Variants in OPCML observed in about 807,000 individuals in gnomAD.
The protein encoded by OPCML is opioid-binding protein/cell adhesion molecule.
OPCML carries 13 observed loss-of-function variants against 37.8 expected under a neutral mutation model. The ratio of observed to expected loss-of-function variants is 0.34; its 90% CI spans 0.22 to 0.55. OPCML has a LOEUF of 0.55. Among genes scored for constraint, OPCML ranks in the 20% least tolerant of loss-of-function variants. OPCML has a pLI of 0.91. For missense variants in OPCML, 341 were observed against 435.6 expected (o/e 0.78, Z 1.93); for synonymous variants, 176 against 168.8 (o/e 1.04, Z -0.33).
At chr11:132,444,572 C>T (rs909535348) in intron 4 of OPCML, among the ~76,000 whole-genome samples, 4 of 152,188 alleles carry the variant, frequency 2.6e-5, no homozygotes, top group Non-Finnish European at 5.9e-5. Context: ...TAACTCATTA[C>T]AGCAGCTAAC....
At chr11:133,233,253 T>A (rs1405559323) in intron 1 of OPCML, among the ~76,000 whole-genome samples, 2 of 152,198 alleles carry the variant, frequency 1.3e-5, no homozygotes, top group Non-Finnish European at 2.9e-5. Flanking sequence ...GTAGGAAGGA[T>A]GTTCAGAGGA....
At chr11:133,423,070 A>G in intron 1 of OPCML, 1 of 985,396 alleles carries the variant, frequency 1.0e-6, no homozygotes, top group Non-Finnish European at 1.2e-6. Flanking sequence ...ATTTCAACTT[A>G]TGCTCTCGAA....
intron 2 of OPCML, among the ~76,000 whole-genome samples, chr11:132,766,057 C>A (rs967286421): frequency 7.3e-5 from 11 of 151,202 alleles, no homozygotes; most frequent in Non-Finnish European, 1.2e-4. Context: ...TGATTATAAT[C>A]TGTTGAATAG....
At chr11:132,829,353 A>T (rs1464549807) in intron 2 of OPCML, among the ~76,000 whole-genome samples, 9 of 152,216 alleles carry the variant, frequency 5.9e-5, no homozygotes, top group Non-Finnish European at 1.3e-4. Context: ...ACCCTCTGAG[A>T]TAGAGACCAT....
intron 3 of OPCML, among the ~76,000 whole-genome samples, chr11:132,653,660 T>C (rs1009705532): frequency 1.3e-5 from 2 of 152,172 alleles, no homozygotes; most frequent in Non-Finnish European, 2.9e-5. Flanking sequence ...CCATCAGATA[T>C]GTGGCAAAGG....
intron 1 of OPCML, among the ~76,000 whole-genome samples, chr11:133,385,201 T>G (rs1945884901): frequency 1.3e-5 from 2 of 152,156 alleles, no homozygotes; most frequent in South Asian, 2.1e-4. Flanking sequence ...GCTGGAGCTG[T>G]GGCTGATGGC....
chr11:132,765,156 C>T (rs200368076), intron 2 of OPCML, among the ~76,000 whole-genome samples: 1 of 152,138 alleles, frequency 6.6e-6, no homozygotes, highest in African/African-American at 2.4e-5. Flanking sequence ...CAAGACTGTA[C>T]GGCTCTAGAG....
chr11:132,885,235 G>A (rs1460555072), intron 2 of OPCML, among the ~76,000 whole-genome samples: 1 of 152,154 alleles, frequency 6.6e-6, no homozygotes, highest in Non-Finnish European at 1.5e-5. Flanking sequence ...TAAAATCCGG[G>A]GAACTGATAA....
intron 4 of OPCML, among the ~76,000 whole-genome samples, chr11:132,526,181 C>A (rs2096307909): frequency 1.3e-5 from 2 of 152,124 alleles, no homozygotes; most frequent in Admixed American, 1.3e-4. Flanking sequence ...GACATTTACA[C>A]AAAGTTAAAA....
At chr11:133,164,098 C>G (rs951660118) in intron 1 of OPCML, among the ~76,000 whole-genome samples, 2 of 152,194 alleles carry the variant, frequency 1.3e-5, no homozygotes, top group African/African-American at 4.8e-5. Flanking sequence ...AGCTAACTTG[C>G]TCCTGTATTA....
chr11:133,014,832 C>G (rs1473872588), intron 1 of OPCML, among the ~76,000 whole-genome samples: 1 of 152,244 alleles, frequency 6.6e-6, no homozygotes, highest in Non-Finnish European at 1.5e-5. Context: ...CAAGCCCTCT[C>G]TCTCTTCTCC....
At chr11:132,475,951 A>G (rs1565594179) in intron 4 of OPCML, among the ~76,000 whole-genome samples, 1 of 152,200 alleles carries the variant, frequency 6.6e-6, no homozygotes, top group Non-Finnish European at 1.5e-5. Context: ...CAAGTAACCT[A>G]ACCTCTTTTC....
intron 1 of OPCML, among the ~76,000 whole-genome samples, chr11:132,990,427 C>A (rs1946754738): frequency 6.6e-6 from 1 of 152,206 alleles, no homozygotes; most frequent in Non-Finnish European, 1.5e-5. Flanking sequence ...ATATTCATAA[C>A]ACTAACACTT....
At chr11:132,568,761 G>A (rs2096430450) in intron 3 of OPCML, among the ~76,000 whole-genome samples, 1 of 152,192 alleles carries the variant, frequency 6.6e-6, no homozygotes, top group Non-Finnish European at 1.5e-5. Flanking sequence ...AAGCTACCCA[G>A]TTTGTAGTGG....
chr11:132,741,598 G>T (rs7926482), intron 2 of OPCML, among the ~76,000 whole-genome samples: 1 of 151,986 alleles, frequency 6.6e-6, no homozygotes, highest in Non-Finnish European at 1.5e-5. Context: ...TGCAATAATC[G>T]TTCTTTAATC....
chr11:132,808,790 C>T (rs1192293929), intron 2 of OPCML, among the ~76,000 whole-genome samples: 1 of 152,148 alleles, frequency 6.6e-6, no homozygotes, highest in East Asian at 1.9e-4. Context: ...AAAGCAGTAA[C>T]ACATCATTGA....
intron 1 of OPCML, among the ~76,000 whole-genome samples, chr11:133,165,981 A>G (rs997225018): frequency 1.3e-5 from 2 of 152,226 alleles, no homozygotes; most frequent in Non-Finnish European, 2.9e-5. Flanking sequence ...ATGCCTCTTC[A>G]TCTTGAAAGA....
intron 1 of OPCML, among the ~76,000 whole-genome samples, chr11:133,127,135 T>A (rs1949529537): frequency 6.6e-6 from 1 of 152,152 alleles, no homozygotes; most frequent in African/African-American, 2.4e-5. Flanking sequence ...TTTTGATCCA[T>A]CATCTTGTAC....
chr11:133,405,644 G>A (rs369194835), intron 1 of OPCML, among the ~76,000 whole-genome samples: 80 of 152,196 alleles, frequency 5.3e-4, no homozygotes, highest in African/African-American at 1.3e-3. Context: ...TGGCTCTAGC[G>A]CTGGGGGAAG....
Sources: allele counts gnomAD v4.1 joint callset (sites outside exome capture counted in the v4.1 genomes callset), GRCh38; gene constraint gnomAD v4.1.1; transcripts MANE v1.5; gene names NCBI Gene and HGNC (gene_info 2026-07-23, HGNC 2026-07-21).